Variants in XRRA1 observed in about 807,000 individuals in gnomAD.
The protein encoded by XRRA1 is X-ray radiation resistance associated 1, also known as X-ray radiation resistance-associated protein 1.
Under a neutral mutation model 80.2 loss-of-function variants are expected in XRRA1, and 69 were observed. That is an observed-to-expected ratio of 0.86 (90% CI 0.71 to 1.05). XRRA1 has a LOEUF of 1.05. XRRA1 is among the 50% of genes least tolerant of loss of function. The pLI, the probability that XRRA1 is intolerant of heterozygous loss-of-function variation, is 0.00. For missense variants in XRRA1, 967 were observed against 976.4 expected, an observed-to-expected ratio of 0.99 and a Z score of 0.13; for synonymous variants, 348 against 389.9, an observed-to-expected ratio of 0.89 and a Z score of 1.27.
intron 8 of XRRA1, 91 bp from the exon 9 acceptor site, chr11:74,907,364 G>C: frequency 6.5e-7 from 1 of 1,536,862 alleles, no homozygotes; most frequent in Non-Finnish European, 8.8e-7. Context: ...AATCAATTAG[G>C]AGGACTAACC....
Position 74,843,319 on chromosome 11 carries a change from TC to T in XRRA1, c.2283del (p.Thr762LeufsTer11), listed in dbSNP as rs1323564969. ...GGGCAGGCCATGGGGAGCGGGGTAG[TC>T]CCGAACACTGTGCGCAGAGAGCCAC... ...LVSGSLRTVF[G>X]TTPLPMACPA... is the part of the protein sequence containing the mutation. On this transcript the variant is annotated frameshift_variant, in exon 19 of 19. Coordinates refer to ENST00000684022, the MANE Select transcript of XRRA1 (RefSeq NM_001378157.1). LOFTEE classifies it low-confidence loss of function (END_TRUNC). 8.1e-6 allele frequency: 13 copies of T among 1,606,256 alleles called. No individual in the cohort carries two copies. In the Admixed American group the frequency reaches 1.5e-4, roughly 19 times the overall value.
intron 7 of XRRA1, among the ~76,000 whole-genome samples, chr11:74,922,591 G>A (rs1166068044): frequency 6.6e-6 from 1 of 152,142 alleles, no homozygotes; most frequent in African/African-American, 2.4e-5. Context: ...TCTATTGAAT[G>A]GGGTCAGTTT....
intron 10 of XRRA1, among the ~76,000 whole-genome samples, chr11:74,902,215 A>T (rs1354063838): frequency 6.6e-6 from 1 of 152,246 alleles, no homozygotes; most frequent in African/African-American, 2.4e-5. Context: ...CTACAATGAG[A>T]TATCATCTCA....
chr11:74,941,713 T>G (rs932078824), intron 2 of XRRA1, among the ~76,000 whole-genome samples: 1 of 151,586 alleles, frequency 6.6e-6, no homozygotes, highest in African/African-American at 2.4e-5. Context: ...TAGCAGTAGG[T>G]GAAAGTGGCA....
intron 10 of XRRA1, among the ~76,000 whole-genome samples, chr11:74,894,465 T>G (rs1403003033): frequency 6.6e-6 from 1 of 152,144 alleles, no homozygotes; most frequent in East Asian, 1.9e-4. Flanking sequence ...ATAAAGAAAA[T>G]TGACTCACAG....
intron 8 of XRRA1, among the ~76,000 whole-genome samples, chr11:74,910,967 A>C (rs2055741760): frequency 6.6e-6 from 1 of 152,156 alleles, no homozygotes; most frequent in African/African-American, 2.4e-5. Context: ...AAGGAAAGAA[A>C]GGAGGAGAGA....
At chr11:74,885,793 A>G (rs534253983) in intron 10 of XRRA1, among the ~76,000 whole-genome samples, 54 of 152,336 alleles carry the variant, frequency 3.5e-4, no homozygotes, top group Non-Finnish European at 6.0e-4. Context: ...TCCTTGATGA[A>G]CATAGATGCA....
At chr11:74,946,589 T>C (rs578158881) in intron 1 of XRRA1, among the ~76,000 whole-genome samples, 4 of 152,266 alleles carry the variant, frequency 2.6e-5, no homozygotes, top group African/African-American at 4.8e-5. Flanking sequence ...CCTTTATAAA[T>C]TACCCAGTCT....
chr11:74,864,611 A>C (rs1044248645), intron 10 of XRRA1, among the ~76,000 whole-genome samples: 2 of 152,196 alleles, frequency 1.3e-5, no homozygotes, highest in Admixed American at 1.3e-4. Context: ...CTACAGCCAT[A>C]TTTGGCCTTG....
At chr11:74,884,581 C>G (rs971883015) in intron 10 of XRRA1, among the ~76,000 whole-genome samples, 1 of 152,186 alleles carries the variant, frequency 6.6e-6, no homozygotes, top group Non-Finnish European at 1.5e-5. Flanking sequence ...ACTGCAGATC[C>G]AGCAACTTAT....
At chr11:74,947,836 T>C (rs1591710216) in intron 1 of XRRA1, among the ~76,000 whole-genome samples, 1 of 152,192 alleles carries the variant, frequency 6.6e-6, no homozygotes, top group East Asian at 1.9e-4. Context: ...GCAATTCTCC[T>C]GCCTCAGCCT....
At chr11:74,884,246 C>T (rs1341453622) in intron 10 of XRRA1, among the ~76,000 whole-genome samples, 5 of 152,152 alleles carry the variant, frequency 3.3e-5, no homozygotes. Flanking sequence ...GAATCTTGCA[C>T]AGGGGAATGT....
At chr11:74,947,686 G>A (rs1405546953) in intron 1 of XRRA1, among the ~76,000 whole-genome samples, 1 of 152,214 alleles carries the variant, frequency 6.6e-6, no homozygotes, top group Non-Finnish European at 1.5e-5. Context: ...TTGCTTCACA[G>A]AGGTAATGAA....
chr11:74,883,484 C>T (rs188548235), intron 10 of XRRA1, among the ~76,000 whole-genome samples: 4,688 of 152,094 alleles, frequency 0.031, 95 homozygotes, highest in Non-Finnish European at 0.047. Flanking sequence ...GTGTCGCTCA[C>T]GCTGGGAGCT....
Position 74,843,297 on chromosome 11 carries a change from C to A in XRRA1, c.2306G>T (p.Cys769Phe), listed in dbSNP as rs374108475. 15 of 1,598,960 alleles carry A rather than the reference C, an allele frequency of 9.4e-6. No homozygotes were observed. In the Admixed American group the frequency reaches 1.4e-4, roughly 15 times the overall value. ...GGGCTGGCTCTCACTCAGCGCTGGG[C>A]AGGCCATGGGGAGCGGGGTAGTCCC... is the stretch of plus-strand genomic sequence containing the variant. ...VFGTTPLPMA[C>F]PALSESQPKF... Residue 769 changes from cysteine (C) to phenylalanine (F), a missense_variant, in exon 19 of 19, where the codon TGC (cysteine) becomes TTC (phenylalanine). Physicochemically the swap from Cys to Phe is radical, Grantham distance 205. Coordinates refer to ENST00000684022, the MANE Select transcript of XRRA1 (RefSeq NM_001378157.1).
chr11:74,880,455 A>G (rs1362299089), intron 10 of XRRA1, among the ~76,000 whole-genome samples: 1 of 147,932 alleles, frequency 6.8e-6, no homozygotes, highest in Non-Finnish European at 1.5e-5. Context: ...TTGTGTCTCT[A>G]TTTCCTTCAG....
intron 10 of XRRA1, among the ~76,000 whole-genome samples, chr11:74,891,882 C>G (rs1202087330): frequency 1.3e-5 from 2 of 152,112 alleles, no homozygotes; most frequent in African/African-American, 2.4e-5. Flanking sequence ...GAACTACAAA[C>G]CACTGCTCAA....
intron 2 of XRRA1, among the ~76,000 whole-genome samples, chr11:74,942,133 C>A (rs554566221): frequency 2.4e-4 from 36 of 151,864 alleles, no homozygotes; most frequent in African/African-American, 7.7e-4. Flanking sequence ...AGGAGAAGCC[C>A]CTGGAGGATT....
intron 1 of XRRA1, among the ~76,000 whole-genome samples, chr11:74,946,488 T>TGGG (rs1445446585): frequency 6.6e-6 from 1 of 152,222 alleles, no homozygotes; most frequent in African/African-American, 2.4e-5. Context: ...CCTGTTGCCA[T>TGGG]GTAAGACTTG....
Sources: gnomAD v4.1 joint callset for allele counts (sites outside exome capture counted in the v4.1 genomes callset) on GRCh38, gnomAD v4.1.1 for gene constraint, MANE v1.5 for transcripts, NCBI Gene and HGNC (gene_info 2026-07-23, HGNC 2026-07-21) for gene names.